CEMIP2: variants seen among roughly 807,000 people sequenced by gnomAD.
CEMIP2 encodes the protein cell migration inducing hyaluronidase 2, also known as cell surface hyaluronidase CEMIP2.
In CEMIP2, 79 loss-of-function variants were observed where a neutral mutation model predicts 146.9. The ratio of observed to expected loss-of-function variants is 0.54; its 90% CI spans 0.45 to 0.65. CEMIP2 has a LOEUF of 0.65. Ranked by LOEUF, CEMIP2 falls within the 30% of genes least tolerant of loss-of-function variation. The pLI is 0.00. For synonymous variants in CEMIP2, 601 were observed against 606.3 expected (o/e 0.99, Z 0.13); for missense variants, 1,596 against 1,696.2 (o/e 0.94, Z 1.04).
intron 18 of CEMIP2, 50 bp downstream of exon 18, chr9:71,704,545 C>G (rs759485734): frequency 5.0e-5 from 80 of 1,598,936 alleles, no homozygotes; most frequent in Non-Finnish European, 6.4e-5. Context: ...TTTTTCTCCA[C>G]TAAATTACTA....
At chr9:71,692,284 T>G (rs1055628027) in intron 21 of CEMIP2, among the ~76,000 whole-genome samples, 1 of 147,908 alleles carries the variant, frequency 6.8e-6, no homozygotes, top group Non-Finnish European at 1.5e-5. Flanking sequence ...CTCTGGGGCA[T>G]AGCCTGCCTG....
intron 1 of CEMIP2, among the ~76,000 whole-genome samples, chr9:71,763,911 C>A (rs1232142516): frequency 6.6e-6 from 1 of 152,146 alleles, no homozygotes; most frequent in Non-Finnish European, 1.5e-5. Flanking sequence ...CCTTGCACAT[C>A]CTAGGAATGC....
intron 1 of CEMIP2, among the ~76,000 whole-genome samples, chr9:71,766,953 G>C (rs969572464): frequency 5.3e-5 from 8 of 152,314 alleles, no homozygotes; most frequent in African/African-American, 1.9e-4. Flanking sequence ...TCGGTGTGAA[G>C]AGAAAAGCAC....
At chr9:71,687,812 G>C (rs375107500) in intron 22 of CEMIP2, among the ~76,000 whole-genome samples, 1 of 152,302 alleles carries the variant, frequency 6.6e-6, no homozygotes, top group East Asian at 1.9e-4. Context: ...ACTACATTGA[G>C]CTGTGGACAC....
At chr9:71,704,419 C>T (rs963133645) in intron 18 of CEMIP2, 176 bp downstream of exon 18, 4 of 643,180 alleles carry the variant, frequency 6.2e-6, no homozygotes, top group Non-Finnish European at 1.1e-5. Flanking sequence ...TGACAGGATT[C>T]AATTTGTATA....
In CEMIP2 at chr9:71,768,445, C is replaced by T. The variant is rs1043276369; in HGVS notation, c.-101G>A. 6.6e-6 allele frequency: 1 copy of T among 152,288 alleles called. No individual in the cohort carries two copies. Among genetic ancestry groups the T allele is most frequent in the African/African-American group, 2.4e-5 (1 of 41,440 alleles). The allele number at this position is 152,288 out of a possible 1,614,324, so 9.4% of individuals were successfully genotyped here. On this transcript the variant is annotated 5_prime_UTR_variant, in exon 1 of 24. Coordinates refer to ENST00000377044, the MANE Select transcript of CEMIP2 (RefSeq NM_013390.3). ...GAGGAGTCCCTGGCGTCCTCGGGTC[C>T]AGATCTCCTCTCCATGGCCAGGAAG...
chr9:71,717,234 T>C (rs1301686291), intron 13 of CEMIP2, among the ~76,000 whole-genome samples: 1 of 152,174 alleles, frequency 6.6e-6, no homozygotes, highest in Non-Finnish European at 1.5e-5. Context: ...TGTATCAAAG[T>C]ATTAGCTATA....
At chr9:71,759,536 G>A (rs1824563230) in intron 1 of CEMIP2, among the ~76,000 whole-genome samples, 1 of 152,126 alleles carries the variant, frequency 6.6e-6, no homozygotes, top group African/African-American at 2.4e-5. Flanking sequence ...GATATCCTGA[G>A]GTTCCAGGGA....
At chr9:71,737,988 A>G (rs1358306141) in intron 5 of CEMIP2, among the ~76,000 whole-genome samples, 1 of 152,198 alleles carries the variant, frequency 6.6e-6, no homozygotes, top group Non-Finnish European at 1.5e-5. Context: ...GAAACCAAAG[A>G]TCAGGGAGTT....
intron 15 of CEMIP2, among the ~76,000 whole-genome samples, chr9:71,714,316 T>C (rs1191813633): frequency 6.6e-6 from 1 of 152,176 alleles, no homozygotes; most frequent in African/African-American, 2.4e-5. Flanking sequence ...TATTAGTTAA[T>C]AGTTTCCTTA....
At chr9:71,756,972 G>A (rs748512646) in intron 1 of CEMIP2, among the ~76,000 whole-genome samples, 12 of 152,174 alleles carry the variant, frequency 7.9e-5, no homozygotes, top group East Asian at 5.8e-4. Flanking sequence ...CAGAGAAAGC[G>A]GCAGCAGTTC....
intron 1 of CEMIP2, among the ~76,000 whole-genome samples, chr9:71,757,411 CA>C (rs1824495935): frequency 6.6e-6 from 1 of 152,176 alleles, no homozygotes; most frequent in Admixed American, 6.5e-5. Context: ...GGTCAAGTTA[CA>C]ATTTTTGCTT....
rs1554678956 is a variant in CEMIP2 at position 71,685,408 on chromosome 9, A to AAG, written c.3956-16_3956-15insCT. On this transcript the variant is annotated splice_polypyrimidine_tract_variant and intron_variant, in intron 23 of 23. Transcript: ENST00000377044. ...TATGGTACTCCCTAAAAAAAAAAAA[A>AAG]AAAAAGAAAAAGAAAAAAAATCAAT... is the stretch of plus-strand genomic sequence containing the variant. 56 of 1,496,140 alleles carry AAG rather than the reference A, an allele frequency of 3.7e-5. No individual in the cohort carries two copies. The highest frequency in any genetic ancestry group is 1.9e-4 in the Middle Eastern group (1 of 5,368). The allele number at this position is 1,496,140 out of a possible 1,614,324, so 92.7% of individuals were successfully genotyped here. A position where few individuals can be genotyped will look rare whatever the true frequency, so the allele number is the denominator to read the frequency against.
intron 15 of CEMIP2, 134 bp from the exon 16 acceptor site, chr9:71,712,394 C>T: frequency 1.4e-6 from 1 of 734,740 alleles, no homozygotes; most frequent in Non-Finnish European, 2.2e-6. Context: ...GGAGCCAAAA[C>T]AAGATACCTG....
chr9:71,742,168 G>A (rs1589158819), intron 4 of CEMIP2, among the ~76,000 whole-genome samples: 1 of 152,300 alleles, frequency 6.6e-6, no homozygotes, highest in South Asian at 2.1e-4. Context: ...GTTAACCGAA[G>A]CATGCCTACA....
chr9:71,768,130 G>T (rs1262142392), intron 1 of CEMIP2, among the ~76,000 whole-genome samples: 1 of 152,232 alleles, frequency 6.6e-6, no homozygotes, highest in Non-Finnish European at 1.5e-5. Flanking sequence ...GACTCCTGGG[G>T]AGTCGGGTCA....
intron 16 of CEMIP2, among the ~76,000 whole-genome samples, chr9:71,709,820 G>A (rs1192523118): frequency 6.6e-6 from 1 of 152,186 alleles, no homozygotes. Flanking sequence ...TGTGGGAAGG[G>A]AGACTATGCA....
intron 21 of CEMIP2, among the ~76,000 whole-genome samples, chr9:71,692,902 A>AAAACAAAC (rs1379350475): frequency 7.1e-6 from 1 of 140,546 alleles, no homozygotes; most frequent in African/African-American, 2.7e-5. Context: ...CCCTGTCTCA[A>AAAACAAAC]AAACAAACAA....
At chr9:71,713,239 T>G (rs1822959594) in intron 15 of CEMIP2, among the ~76,000 whole-genome samples, 1 of 152,108 alleles carries the variant, frequency 6.6e-6, no homozygotes, top group African/African-American at 2.4e-5. Context: ...CGTGCTGTTC[T>G]CATGACAGTG....
Sources: gnomAD v4.1 joint callset for allele counts (sites outside exome capture counted in the v4.1 genomes callset) on GRCh38, gnomAD v4.1.1 for gene constraint, MANE v1.5 for transcripts, NCBI Gene and HGNC (gene_info 2026-07-23, HGNC 2026-07-21) for gene names.